Variants in NEU3 observed in about 807,000 individuals in gnomAD.
NEU3 encodes sialidase-3.
Under a neutral mutation model 11.4 loss-of-function variants are expected in NEU3, and 10 were observed. That is an observed-to-expected ratio of 0.88 (90% CI 0.54 to 1.49). The LOEUF is 1.49. Ranked by LOEUF, NEU3 falls within the 40% of genes most tolerant of loss-of-function variation. The pLI is 0.00. For missense variants in NEU3, 529 were observed against 581.8 expected (o/e 0.91, Z 0.93); for synonymous variants, 212 against 228.2 (o/e 0.93, Z 0.64).
upstream of NEU3, among the ~76,000 whole-genome samples, chr11:74,983,621 C>G (rs1948651760): frequency 6.6e-6 from 1 of 152,222 alleles, no homozygotes; most frequent in African/African-American, 2.4e-5. Flanking sequence ...TATCACTATC[C>G]TGAGAGTCAT....
chr11:75,004,174 T>G (rs1248423318), intron 2 of NEU3: 2 of 482,962 alleles, frequency 4.1e-6, no homozygotes, highest in Non-Finnish European at 6.9e-6. Context: ...CATTTGCACT[T>G]CAATCCATAT....
rs752354749 is a variant in NEU3, at chr11:75,006,004, GC to G, written c.901del (p.Leu301Ter). 1.2e-6 allele frequency: 2 copies of G among 1,613,968 alleles called. No homozygotes were observed. Among genetic ancestry groups the G allele is most frequent in the South Asian group, 2.2e-5 (2 of 91,086 alleles). Reference sequence around the variant, plus strand: ...CCATGGTGAAGGCTTTCAGAGACTGGCCCTGAGTCGACAGCTCTGTGAGCCC... The same window carrying G: ...CCATGGTGAAGGCTTTCAGAGACTGGCCTGAGTCGACAGCTCTGTGAGCCC... ...TDHGEGFQRLALSRQLCEPPH... is the reference protein window; with the variant it reads ...TDHGEGFQRLXLSRQLCEPPH... On this transcript the variant is annotated frameshift_variant, in exon 3 of 3. Transcript: ENST00000294064. LOFTEE classifies it low-confidence loss of function (END_TRUNC).
chr11:74,998,980 A>AT (rs989600621), intron 2 of NEU3, among the ~76,000 whole-genome samples: 24 of 152,024 alleles, frequency 1.6e-4, no homozygotes, highest in African/African-American at 5.8e-4. Context: ...GCTGTTAAGC[A>AT]TTTTTTTTAA....
rs1325762214 is a variant in NEU3 at position 75,005,806 on chromosome 11, C to A, written c.700C>A (p.Leu234Met). ...QLPCKTRPHS[L>M]MIYSDDLGVT... is the part of the protein sequence containing the mutation. ...ACCATGTAAAACCAGGCCTCATTCTCTGATGATCTACAGTGATGACCTAGG... is the reference window on the plus strand; with the variant it reads ...ACCATGTAAAACCAGGCCTCATTCTATGATGATCTACAGTGATGACCTAGG... The change falls in exon 3 of 3, where the codon CTG (leucine) becomes ATG (methionine). Residue 234 changes from leucine (L) to methionine (M), a missense_variant. Transcript: ENST00000294064. The A allele has an allele frequency of 6.2e-7, 1 of 1,613,992 alleles. No homozygotes were observed. Among genetic ancestry groups the A allele is most frequent in the Non-Finnish European group, 8.5e-7 (1 of 1,179,866 alleles).
Position 75,005,815 on chromosome 11 carries a change from T to G in NEU3, c.709T>G (p.Tyr237Asp). 6.2e-7 allele frequency: 1 copy of G among 1,614,024 alleles called. No homozygotes were observed. The highest frequency in any genetic ancestry group is 8.5e-7 in the Non-Finnish European group (1 of 1,179,880). ...CKTRPHSLMIYSDDLGVTWHH... is the reference protein window; with the variant it reads ...CKTRPHSLMIDSDDLGVTWHH... ...AACCAGGCCTCATTCTCTGATGATC[T>G]ACAGTGATGACCTAGGGGTCACATG... Residue 237 changes from tyrosine (Y) to aspartate (D), a missense_variant, in exon 3 of 3, where the codon TAC becomes GAC. Tyr to Asp is a radical substitution (Grantham distance 160). Coordinates refer to ENST00000294064, the MANE Select transcript of NEU3 (RefSeq NM_006656.6).
At chr11:74,986,445 T>C (rs961515765), upstream of NEU3, among the ~76,000 whole-genome samples, 13 of 152,250 alleles carry the variant, frequency 8.5e-5, no homozygotes, top group African/African-American at 3.1e-4. Context: ...ATTGGGATAG[T>C]TGTGTTATCT....
intron 2 of NEU3, chr11:75,004,307 A>G: frequency 1.5e-6 from 1 of 680,302 alleles, no homozygotes; most frequent in Non-Finnish European, 2.7e-6. Flanking sequence ...ATTTTTAGAG[A>G]TGGGGTTTTG....
At chr11:74,994,806 C>A in intron 2 of NEU3, 86 bp downstream of exon 2, 1 of 1,266,338 alleles carries the variant, frequency 7.9e-7, no homozygotes, top group Non-Finnish European at 1.1e-6. Flanking sequence ...CTTTTCTCAT[C>A]AGTACAGGAA....
intron 2 of NEU3, among the ~76,000 whole-genome samples, chr11:74,998,272 A>G (rs1468650138): frequency 6.6e-6 from 1 of 152,226 alleles, no homozygotes; most frequent in African/African-American, 2.4e-5. Flanking sequence ...AATAATGACA[A>G]TGTTTGAGAT....
At position 75,005,403 on chromosome 11, in the gene NEU3, C is replaced by G. The variant is rs777758370; in HGVS notation, c.307-10C>G. On this transcript the variant is annotated splice_polypyrimidine_tract_variant and intron_variant, in intron 2 of 2. Transcript: ENST00000294064. ...ATCTCACTCCTACTTTCTCCCTTCT[C>G]CTTGTCTAGTGGGGGCCCCTGAAGC... 4.4e-6 allele frequency: 7 copies of G among 1,586,894 alleles called. No homozygotes were observed. In the African/African-American group the frequency reaches 9.5e-5, roughly 21 times the overall value.
the NEU3 span, among the ~76,000 whole-genome samples, chr11:74,980,774 G>A: frequency 5.1e-4 from 77 of 152,350 alleles, no homozygotes; most frequent in African/African-American, 1.7e-3. Flanking sequence ...CTGAAACTAT[G>A]TCCTGGTTGT....
At chr11:74,992,786 C>G (rs572922434) in intron 1 of NEU3, among the ~76,000 whole-genome samples, 1 of 152,158 alleles carries the variant, frequency 6.6e-6, no homozygotes, top group South Asian at 2.1e-4. Flanking sequence ...ATGGTGAAAC[C>G]CGTCTCTGCT....
rs1565492001 is a variant in NEU3, at chr11:74,989,045, T to C, written c.-16T>C. 6.5e-7 allele frequency: 1 copy of C among 1,547,634 alleles called. No homozygotes were observed. Among genetic ancestry groups the C allele is most frequent in the Middle Eastern group, 2.0e-4 (1 of 5,082 alleles). ...TCCCCAGCCTTGGGGCCGGTGCCTC[T>C]TCCGGGCTTCGGCGAATGAGACCTG... On this transcript the variant is annotated 5_prime_UTR_variant, in exon 1 of 3. Transcript: ENST00000294064.
chr11:74,999,496 T>C (rs1366241538), intron 2 of NEU3, among the ~76,000 whole-genome samples: 4 of 152,240 alleles, frequency 2.6e-5, no homozygotes, highest in African/African-American at 9.6e-5. Context: ...CTGTATTCTA[T>C]TGGTAGTTAC....
chr11:74,983,221 G>A, the NEU3 span, among the ~76,000 whole-genome samples: 1 of 152,112 alleles, frequency 6.6e-6, no homozygotes, highest in Non-Finnish European at 1.5e-5. Flanking sequence ...TTAATGTACT[G>A]CTGTTTTATG....
chr11:75,011,671 C>G (rs185876718), downstream of NEU3, among the ~76,000 whole-genome samples: 2 of 152,294 alleles, frequency 1.3e-5, no homozygotes, highest in Non-Finnish European at 2.9e-5. Context: ...GAACCAGTGA[C>G]CCACCAGCCT....
At chr11:75,003,272 G>A (rs1190852527) in intron 2 of NEU3, among the ~76,000 whole-genome samples, 3 of 152,118 alleles carry the variant, frequency 2.0e-5, no homozygotes, top group African/African-American at 7.2e-5. Context: ...GCTCCATAAG[G>A]TTGTCAAATG....
In NEU3 at chr11:74,997,778, G is replaced by A. The variant is rs367592763; in HGVS notation, c.306+3058G>A. 1.4e-4 allele frequency among the ~76,000 whole-genome samples: 21 copies of A among 151,476 alleles called. No homozygotes were observed. The East Asian group carries it at 3.3e-3, about 24-fold the overall frequency. On this transcript the variant is annotated intron_variant, in intron 2 of 2. Transcript: ENST00000294064. ...CTCAGGAGGCTGAGGCAGGAGAATC[G>A]CTTGAACACAGGAGGCGGGGGTTGC...
chr11:75,006,006 C>CCTGAGTCGACAGCT lies in NEU3; in HGVS notation c.904_917dup (p.Cys306Ter). On this transcript the variant is annotated frameshift_variant, in exon 3 of 3. Transcript: ENST00000294064. LOFTEE classifies it low-confidence loss of function (END_TRUNC). ...ATGGTGAAGGCTTTCAGAGACTGGC[C>CCTGAGTCGACAGCT]CTGAGTCGACAGCTCTGTGAGCCCC... 1 of 1,613,908 alleles carries CCTGAGTCGACAGCT rather than the reference C, an allele frequency of 6.2e-7. No individual in the cohort carries two copies.
Sources: allele counts gnomAD v4.1 joint callset (sites outside exome capture counted in the v4.1 genomes callset), GRCh38; gene constraint gnomAD v4.1.1; transcripts MANE v1.5; gene names NCBI Gene and HGNC (gene_info 2026-07-23, HGNC 2026-07-21).